IL1RAPL1: variants seen among roughly 807,000 people sequenced by gnomAD.
IL1RAPL1 encodes interleukin-1 receptor accessory protein-like 1.
IL1RAPL1 carries 3 observed loss-of-function variants against 48.4 expected under a neutral mutation model. That is an observed-to-expected ratio of 0.06 (90% CI 0.03 to 0.16). IL1RAPL1 has a LOEUF of 0.16. IL1RAPL1 is among the 10% of genes least tolerant of loss of function. The probability of loss-of-function intolerance (pLI) is 1.00; values close to 1 mark genes in which losing one functional copy is unlikely to be tolerated. For synonymous variants in IL1RAPL1, 185 were observed against 187.7 expected (o/e 0.99, Z 0.12); for missense variants, 349 against 530.6 (o/e 0.66, Z 3.36).
chrX:29,370,005 C>T (rs1056755502), intron 3 of IL1RAPL1, among the ~76,000 whole-genome samples: 4 of 111,044 alleles, frequency 3.6e-5, no homozygotes, highest in Admixed American at 9.7e-5. Context: ...GGTGTCTTTC[C>T]AACTTTGCAA....
chrX:28,701,013 T>C (rs764577580), intron 1 of IL1RAPL1, among the ~76,000 whole-genome samples: 1 of 111,949 alleles, frequency 8.9e-6, no homozygotes, highest in Non-Finnish European at 1.9e-5. Context: ...GAAATAAACA[T>C]ATGCGTGCAT....
At chrX:28,969,091 C>G (rs1355693058) in intron 2 of IL1RAPL1, among the ~76,000 whole-genome samples, 3 of 112,320 alleles carry the variant, frequency 2.7e-5, no homozygotes, top group Non-Finnish European at 3.8e-5. Context: ...AACTAATGGA[C>G]AGTACATCCT....
chrX:29,178,065 T>A (rs1930064026), intron 2 of IL1RAPL1, among the ~76,000 whole-genome samples: 2 of 111,897 alleles, frequency 1.8e-5, no homozygotes, highest in African/African-American at 6.5e-5. Context: ...CGTGTGCATG[T>A]GTCTTTATAG....
chrX:29,213,187 G>A (rs1930804283), intron 2 of IL1RAPL1, among the ~76,000 whole-genome samples: 1 of 110,828 alleles, frequency 9.0e-6, no homozygotes, highest in South Asian at 3.8e-4. Flanking sequence ...TAGTAGAGAC[G>A]GAGTTTCTCC....
At chrX:29,795,250 A>G (rs763053273) in intron 6 of IL1RAPL1, among the ~76,000 whole-genome samples, 9 of 111,766 alleles carry the variant, frequency 8.1e-5, no homozygotes, top group East Asian at 2.8e-4. Flanking sequence ...CTATTTACCT[A>G]TCTCTATACA....
At chrX:29,807,866 A>G (rs1930292686) in intron 6 of IL1RAPL1, among the ~76,000 whole-genome samples, 1 of 111,419 alleles carries the variant, frequency 9.0e-6, no homozygotes, top group Non-Finnish European at 1.9e-5. Flanking sequence ...AATAAATAAT[A>G]AGAACACATA....
intron 5 of IL1RAPL1, among the ~76,000 whole-genome samples, chrX:29,569,478 G>A (rs1438764795): frequency 3.6e-5 from 4 of 110,740 alleles, no homozygotes; most frequent in East Asian, 2.8e-4. Flanking sequence ...TTGAGTGTTC[G>A]TTTAAAGTCC....
intron 2 of IL1RAPL1, among the ~76,000 whole-genome samples, chrX:29,178,047 T>A (rs976722821): frequency 4.5e-5 from 5 of 111,919 alleles, no homozygotes; most frequent in African/African-American, 1.6e-4. Context: ...AGTGTTGTAA[T>A]AAACGTACGT....
intron 2 of IL1RAPL1, among the ~76,000 whole-genome samples, chrX:29,205,524 T>C (rs1208142437): frequency 9.1e-6 from 1 of 110,335 alleles, no homozygotes; most frequent in South Asian, 3.8e-4. Context: ...ACCTCAAAAA[T>C]TGACTCCACC....
intron 3 of IL1RAPL1, among the ~76,000 whole-genome samples, chrX:29,387,678 C>T (rs1327183194): frequency 1.8e-5 from 2 of 111,693 alleles, no homozygotes; most frequent in African/African-American, 6.5e-5. Context: ...ATCTGTTTGC[C>T]GTATATGCTA....
intron 5 of IL1RAPL1, among the ~76,000 whole-genome samples, chrX:29,620,743 A>AGAC (rs1337001859): frequency 7.8e-4 from 87 of 112,190 alleles, no homozygotes; most frequent in African/African-American, 2.7e-3. Context: ...GATTTTAAGA[A>AGAC]GACAAATAAA....
intron 2 of IL1RAPL1, among the ~76,000 whole-genome samples, chrX:28,998,650 G>A (rs1284960394): frequency 8.9e-6 from 1 of 112,022 alleles, no homozygotes; most frequent in East Asian, 2.8e-4. Flanking sequence ...TAAAATGATA[G>A]GTTTTATTGC....
intron 5 of IL1RAPL1, among the ~76,000 whole-genome samples, chrX:29,483,968 C>T (rs1460023486): frequency 9.7e-6 from 1 of 103,353 alleles, no homozygotes; most frequent in Non-Finnish European, 2.0e-5. Context: ...GATAGTACTG[C>T]AGGCGTGAGC....
intron 2 of IL1RAPL1, among the ~76,000 whole-genome samples, chrX:29,095,772 CTT>C (rs5901910): frequency 1.5e-3 from 148 of 96,390 alleles, no homozygotes; most frequent in East Asian, 7.6e-3. Context: ...CTGCATTTGC[CTT>C]TTTTTTTTTT....
rs143414087 is a variant in IL1RAPL1, at chrX:29,839,890, C to T, written c.779-77574C>T. ...GAGTTGTGATCACGCCGCACCACTG[C>T]ACTCTAACCTGGGTGGCAGAGTGAG... is the stretch of plus-strand genomic sequence containing the variant. On this transcript the variant is annotated intron_variant, in intron 6 of 10. Transcript: ENST00000378993. Among the ~76,000 whole-genome samples, 508 of 112,377 alleles carry T rather than the reference C, an allele frequency of 4.5e-3. 3 individuals carry two copies. Among genetic ancestry groups the T allele is most frequent in the African/African-American group, 0.015 (473 of 30,936 alleles).
At chrX:29,797,887 A>T (rs1386787297) in intron 6 of IL1RAPL1, among the ~76,000 whole-genome samples, 2 of 111,098 alleles carry the variant, frequency 1.8e-5, no homozygotes, top group African/African-American at 3.3e-5. Flanking sequence ...ACAAAACAAA[A>T]CAAAACAAAA....
intron 3 of IL1RAPL1, among the ~76,000 whole-genome samples, chrX:29,316,727 G>A (rs927977463): frequency 1.8e-5 from 2 of 111,807 alleles, no homozygotes; most frequent in East Asian, 5.6e-4. Flanking sequence ...AAAATTTGGA[G>A]TAAGCAGGAA....
At chrX:28,676,867 T>C (rs1050909524) in intron 1 of IL1RAPL1, among the ~76,000 whole-genome samples, 3 of 111,805 alleles carry the variant, frequency 2.7e-5, no homozygotes, top group Non-Finnish European at 5.6e-5. Context: ...CCCAATTCTT[T>C]TTCTCTTATA....
At chrX:28,611,136 C>G (rs1055390038) in intron 1 of IL1RAPL1, among the ~76,000 whole-genome samples, 7 of 111,751 alleles carry the variant, frequency 6.3e-5, no homozygotes, top group Non-Finnish European at 1.3e-4. Flanking sequence ...AAGAGGTTGG[C>G]TTCCCCACCA....
Sources: allele counts gnomAD v4.1 joint callset (sites outside exome capture counted in the v4.1 genomes callset), GRCh38; gene constraint gnomAD v4.1.1; transcripts MANE v1.5; gene names NCBI Gene and HGNC (gene_info 2026-07-23, HGNC 2026-07-21).